Variants in CFAP20DC observed in about 807,000 individuals in gnomAD.
The protein encoded by CFAP20DC is CFAP20 domain containing.
In CFAP20DC, 84 loss-of-function variants were observed where a neutral mutation model predicts 101.7. That is an observed-to-expected ratio of 0.83 (90% CI 0.69 to 0.99). CFAP20DC has a LOEUF of 0.99. CFAP20DC is among the 50% of genes least tolerant of loss of function. The pLI is 0.00. For synonymous variants in CFAP20DC, 359 were observed against 351.2 expected (o/e 1.02, Z -0.25); for missense variants, 1,007 against 970.3 (o/e 1.04, Z -0.50).
chr3:58,937,849 T>A, intron 4 of CFAP20DC, 87 bp from the exon 5 acceptor site: 1 of 761,644 alleles, frequency 1.3e-6, no homozygotes, highest in East Asian at 2.7e-5. Flanking sequence ...ATATAATTTA[T>A]CATACAGACC....
intron 4 of CFAP20DC, among the ~76,000 whole-genome samples, chr3:58,987,327 A>T (rs1452354007): frequency 1.3e-5 from 2 of 152,150 alleles, no homozygotes; most frequent in African/African-American, 4.8e-5. Flanking sequence ...AGGTTAAAAA[A>T]TAAGAATCAT....
chr3:58,755,445 A>G (rs1049240106), intron 15 of CFAP20DC, among the ~76,000 whole-genome samples: 1 of 152,176 alleles, frequency 6.6e-6, no homozygotes, highest in Non-Finnish European at 1.5e-5. Flanking sequence ...TTACTCAATA[A>G]GGGTGATGAA....
At chr3:58,879,884 A>G (rs970429742) in intron 7 of CFAP20DC, among the ~76,000 whole-genome samples, 2 of 152,204 alleles carry the variant, frequency 1.3e-5, no homozygotes, top group East Asian at 1.9e-4. Context: ...TCCCTATTAA[A>G]CCATAAACTA....
intron 16 of CFAP20DC, 66 bp downstream of exon 16, chr3:58,753,703 T>C: frequency 9.4e-7 from 1 of 1,069,154 alleles, no homozygotes; most frequent in Non-Finnish European, 1.4e-6. Flanking sequence ...CTCAAAGTGA[T>C]GGATTCTCTC....
At position 59,014,758 on chromosome 3, in the gene CFAP20DC, G is replaced by A. The variant is rs1178657515; in HGVS notation, c.278+24799C>T. On this transcript the variant is annotated intron_variant, in intron 4 of 16. Transcript: ENST00000482387. The surrounding 1 kb of genome is among the most constrained non-coding windows in gnomAD (Gnocchi z 4.9). ...GTCAGTAGTACTACATATGGTGGTA[G>A]TACTACATAATGGTGGAAGGCAGTA... 1.3e-5 allele frequency among the ~76,000 whole-genome samples: 2 copies of A among 152,082 alleles called. No individual in the cohort carries two copies. The highest frequency in any genetic ancestry group is 2.4e-5 in the African/African-American group (1 of 41,412).
At chr3:58,858,348 A>G (rs2079000453) in intron 12 of CFAP20DC, among the ~76,000 whole-genome samples, 1 of 152,198 alleles carries the variant, frequency 6.6e-6, no homozygotes, top group Non-Finnish European at 1.5e-5. Context: ...GAAGATGAGA[A>G]TGATTTCCCC....
intron 4 of CFAP20DC, among the ~76,000 whole-genome samples, chr3:59,022,434 T>C (rs1369395405): frequency 1.3e-5 from 2 of 152,166 alleles, no homozygotes; most frequent in African/African-American, 4.8e-5. Context: ...AAGTTTATGC[T>C]AACACATTAG....
chr3:58,754,064 T>C lies in CFAP20DC; in HGVS notation c.2238-201A>G, dbSNP rs113318048. On this transcript the variant is annotated intron_variant, in intron 15 of 16. Coordinates refer to ENST00000482387, the MANE Select transcript of CFAP20DC (RefSeq NM_001394063.1). ...GGAGTCAATCACTTAACTAGCCAGT[T>C]TGAGAAATACTTCAACTAAATGAAT... Among the ~76,000 whole-genome samples the C allele has an allele frequency of 3.0e-3, 453 of 152,314 alleles. 2 individuals are homozygous for C. Among genetic ancestry groups the C allele is most frequent in the African/African-American group, 0.01 (423 of 41,584 alleles).
intron 15 of CFAP20DC, 41 bp downstream of exon 15, chr3:58,806,354 G>GTTTTTTTT (rs59197884): frequency 8.9e-7 from 1 of 1,120,756 alleles, no homozygotes; most frequent in Non-Finnish European, 1.3e-6. Flanking sequence ...TTCCAACTAA[G>GTTTTTTTT]TTTTTTTTTT....
chr3:58,898,676 C>G (rs912040642), intron 6 of CFAP20DC, among the ~76,000 whole-genome samples: 5 of 152,194 alleles, frequency 3.3e-5, no homozygotes, highest in Non-Finnish European at 5.9e-5. Context: ...CTTCTGAAGC[C>G]TACTTGTCAG....
chr3:58,806,530 A>C (rs1454994086), intron 14 of CFAP20DC, 74 bp from the exon 15 acceptor site: 2 of 1,037,310 alleles, frequency 1.9e-6, no homozygotes, highest in Non-Finnish European at 3.0e-6. Context: ...ATGCACTCTC[A>C]TTACTGTAAC....
At chr3:58,720,569 A>G (rs536871571) in intron 3 of CFAP20DC, among the ~76,000 whole-genome samples, 1 of 152,344 alleles carries the variant, frequency 6.6e-6, no homozygotes, top group Admixed American at 6.5e-5. Context: ...TAAATTGTTT[A>G]AAGGATAGTG....
In CFAP20DC at chr3:58,882,624, T is replaced by C. The variant is rs892913232; in HGVS notation, c.715+1921A>G. Among the ~76,000 whole-genome samples, 6 of 152,210 alleles carry C rather than the reference T, an allele frequency of 3.9e-5. No homozygotes were observed. Among genetic ancestry groups the C allele is most frequent in the African/African-American group, 1.2e-4 (5 of 41,470 alleles). On this transcript the variant is annotated intron_variant, in intron 7 of 16. Transcript: ENST00000482387. The surrounding 1 kb of genome is among the most constrained non-coding windows in gnomAD (Gnocchi z 4.2). Reference sequence around the variant, plus strand: ...ATTCAGATTGAATTGTGACCCAAAGTGTTTACAGTAGCTGTCTGGGTAGTC... The same window carrying C: ...ATTCAGATTGAATTGTGACCCAAAGCGTTTACAGTAGCTGTCTGGGTAGTC...
In CFAP20DC at chr3:58,957,759, C is replaced by T. The variant is rs186467091; in HGVS notation, c.279-19997G>A. On this transcript the variant is annotated intron_variant, in intron 4 of 16. Transcript: ENST00000482387. ...AAAAAAAAGCCAAGCACAAGACAAA[C>T]ATTGAATGTTCTGACCTATTTGTGG... Among the ~76,000 whole-genome samples, 77 of 152,160 alleles carry T rather than the reference C, an allele frequency of 5.1e-4. 1 individual carries two copies. Among genetic ancestry groups the T allele is most frequent in the African/African-American group, 1.8e-3 (75 of 41,524 alleles).
intron 4 of CFAP20DC, among the ~76,000 whole-genome samples, chr3:58,961,628 C>T (rs1259026450): frequency 1.3e-5 from 2 of 151,934 alleles, no homozygotes; most frequent in African/African-American, 4.8e-5. Flanking sequence ...TGATATATTT[C>T]AACAGCAAAG....
intron 1 of CFAP20DC, among the ~76,000 whole-genome samples, chr3:59,048,937 C>T (rs971566707): frequency 1.3e-5 from 2 of 152,154 alleles, no homozygotes; most frequent in Non-Finnish European, 2.9e-5. Flanking sequence ...GACCCAGAAG[C>T]AGTGTTTCTC....
chr3:58,830,298 G>C (rs1375104605), intron 14 of CFAP20DC, among the ~76,000 whole-genome samples: 1 of 152,150 alleles, frequency 6.6e-6, no homozygotes, highest in African/African-American at 2.4e-5. Flanking sequence ...GGGATATCCA[G>C]ATATCCACTG....
intron 3 of CFAP20DC, among the ~76,000 whole-genome samples, chr3:58,736,491 C>T (rs1332164439): frequency 1.3e-5 from 2 of 152,176 alleles, no homozygotes; most frequent in African/African-American, 4.8e-5. Flanking sequence ...AGTTATACTT[C>T]AGACTGGCAT....
intron 4 of CFAP20DC, among the ~76,000 whole-genome samples, chr3:58,961,728 T>C (rs367799992): frequency 1.2e-4 from 18 of 149,380 alleles, no homozygotes; most frequent in African/African-American, 3.9e-4. Context: ...AAATTTTCTG[T>C]TTTTTTTTTC....
Sources: gnomAD v4.1 joint callset for allele counts (sites outside exome capture counted in the v4.1 genomes callset) on GRCh38, gnomAD v4.1.1 for gene constraint, Gnocchi (gnomAD v3.1) non-coding constraint, MANE v1.5 for transcripts, NCBI Gene and HGNC (gene_info 2026-07-23, HGNC 2026-07-21) for gene names.